ACTA1: variants seen among roughly 807,000 people sequenced by gnomAD.
The protein encoded by ACTA1 is actin, alpha skeletal muscle.
ACTA1 carries 25 observed loss-of-function variants against 35.8 expected under a neutral mutation model. That is an observed-to-expected ratio of 0.70 (90% CI 0.51 to 0.97). ACTA1 has a LOEUF of 0.97. ACTA1 is among the 50% of genes least tolerant of loss of function. The pLI is 0.00. For missense variants in ACTA1, 174 were observed against 533.0 expected (o/e 0.33, Z 6.63); for synonymous variants, 219 against 217.1 (o/e 1.01, Z -0.08).
rs1025502215 is a variant in ACTA1 at position 229,433,080 on chromosome 1, G to T, written c.36C>A (p.Cys12Ter). The change falls in exon 2 of 7, where the codon TGC (cysteine) becomes TGA (stop). Residue 12 changes from cysteine (C) to a stop codon, truncating the protein, a stop_gained. Transcript: ENST00000366684. LOFTEE classifies it high-confidence loss of function. The stretch of plus-strand genomic sequence containing the variant: ...CTTTCACCAGGCCGGAGCCATTGTC[G>T]CACACGAGGGCGGTGGTCTCGTCTT... ...CDEDETTALV[C>*]DNGSGLVKAG... 6.2e-7 allele frequency: 1 copy of T among 1,614,160 alleles called. No individual in the cohort carries two copies. Among genetic ancestry groups the T allele is most frequent in the Non-Finnish European group, 8.5e-7 (1 of 1,179,994 alleles).
At chr1:229,433,745 C>A (rs1288316859) in intron 1 of ACTA1, among the ~76,000 whole-genome samples, 1 of 151,934 alleles carries the variant, frequency 6.6e-6, no homozygotes, top group Non-Finnish European at 1.5e-5. Context: ...AAAGCAAAAC[C>A]GTTTATCTCC....
At chr1:229,432,940 T>A in intron 2 of ACTA1, 47 bp downstream of exon 2, 1 of 1,613,832 alleles carries the variant, frequency 6.2e-7, no homozygotes, top group Non-Finnish European at 8.5e-7. Context: ...CAGGCTGGCT[T>A]ACGCGGGGAC....
rs1349683355 is a variant in ACTA1, at chr1:229,431,604, G to A, written c.1029C>T (p.Ile343=). Residue 343 remains isoleucine (I), a synonymous_variant, in exon 7 of 7, where the codon ATC becomes ATT. Transcript: ENST00000366684. This position sits in a 1 kb window ranked among gnomAD's most constrained non-coding sequence, Gnocchi z 7.1. ...APPERKYSVW[I]GGSILASLST... ...ACAGCGAGGCCAGGATGGAGCCGCC[G>A]ATCCACACCGAGTATTTGCGCTCCG... 6.2e-7 allele frequency: 1 copy of A among 1,613,942 alleles called. No individual in the cohort carries two copies. The highest frequency in any genetic ancestry group is 1.1e-5 in the South Asian group (1 of 91,080).
At chr1:229,433,276 G>A in intron 1 of ACTA1, 149 bp from the exon 2 acceptor site, 4 of 1,170,256 alleles carry the variant, frequency 3.4e-6, no homozygotes, top group East Asian at 2.5e-5. Context: ...TTCTGCCAGG[G>A]CGGCGACCAG....
chr1:229,433,746 G>T (rs1285286770), intron 1 of ACTA1, among the ~76,000 whole-genome samples: 1 of 152,226 alleles, frequency 6.6e-6, no homozygotes, highest in African/African-American at 2.4e-5. Flanking sequence ...AAGCAAAACC[G>T]TTTATCTCCC....
rs964417587 is a variant in ACTA1, at chr1:229,432,977, G to A, written c.129+10C>T. 1.9e-6 allele frequency: 3 copies of A among 1,613,460 alleles called. No homozygotes were observed. Among genetic ancestry groups the A allele is most frequent in the African/African-American group, 1.3e-5 (1 of 74,942 alleles). On this transcript the variant is annotated intron_variant, in intron 2 of 6. Transcript: ENST00000366684. ...CCGAGCCGGCTCCCTCTGCGGAGGG[G>A]CAGCCTGACCTGGTGTCGGGGGCGG...
At chr1:229,433,304 T>G (rs1659994645) in intron 1 of ACTA1, among the ~76,000 whole-genome samples, 177 bp from the exon 2 acceptor site, 1 of 152,300 alleles carries the variant, frequency 6.6e-6, no homozygotes. Context: ...CTTCTCGACC[T>G]TTGCCCCGGC....
intron 4 of ACTA1, 26 bp downstream of exon 4, chr1:229,432,244 G>T (rs1358246922): frequency 1.9e-6 from 3 of 1,612,988 alleles, no homozygotes; most frequent in Admixed American, 1.7e-5. Context: ...CGGCCCTCCC[G>T]CCCGGGGTGC....
Position 229,431,918 on chromosome 1 carries a change from G to GA in ACTA1, c.809-17_809-16insT. 1 of 1,611,004 alleles carries GA rather than the reference G, an allele frequency of 6.2e-7. No individual in the cohort carries two copies. Among genetic ancestry groups the GA allele is most frequent in the Non-Finnish European group, 8.5e-7 (1 of 1,178,714 alleles). On this transcript the variant is annotated splice_polypyrimidine_tract_variant and intron_variant, in intron 5 of 6. Transcript: ENST00000366684. This position sits in a 1 kb window ranked among gnomAD's most constrained non-coding sequence, Gnocchi z 7.1. ...GACTCCATACCTGGGGACCGCGGCGGGGAGCGTGAGCAGAAGCTCGGGGCG... is the reference window on the plus strand; with the variant it reads ...GACTCCATACCTGGGGACCGCGGCGGAGGAGCGTGAGCAGAAGCTCGGGGCG...
At position 229,431,718 on chromosome 1, in the gene ACTA1, C is replaced by A. The variant is rs549197605; in HGVS notation, c.990+3G>T. The A allele has an allele frequency of 8.1e-6, 13 of 1,614,176 alleles. No homozygotes were observed. The East Asian group carries it at 1.8e-4, about 22-fold the overall frequency. On this transcript the variant is annotated splice_donor_region_variant and intron_variant, in intron 6 of 6. Transcript: ENST00000366684. This position sits in a 1 kb window ranked among gnomAD's most constrained non-coding sequence, Gnocchi z 7.1. ...CCGACAGCCCGCGCAGGCCACCACC[C>A]ACCTTGATCTTCATGGTGCTGGGTG... is the stretch of plus-strand genomic sequence containing the variant.
chr1:229,432,431 C>T lies in ACTA1; in HGVS notation c.455G>A (p.Gly152Asp). ...LSLYASGRTT[G>D]IVLDSGDGVT... is the part of the protein sequence containing the mutation. ...GCCGTCGCCGGAGTCCAGCACGATG[C>T]CTGTGCGCGCGCGGGAGAGAGTGAG... The change falls in exon 4 of 7, where the codon GGC becomes GAC. Residue 152 changes from glycine to aspartate, a missense_variant and splice_region_variant. Physicochemically the swap from Gly to Asp is moderately conservative, Grantham distance 94 (BLOSUM62 -1). Coordinates refer to ENST00000366684, the MANE Select transcript of ACTA1 (RefSeq NM_001100.4). 6.2e-7 allele frequency: 1 copy of T among 1,604,682 alleles called. No homozygotes were observed. Among genetic ancestry groups the T allele is most frequent in the Non-Finnish European group, 8.5e-7 (1 of 1,176,170 alleles).
chr1:229,433,684 C>T (rs565064041), intron 1 of ACTA1, among the ~76,000 whole-genome samples: 53 of 152,352 alleles, frequency 3.5e-4, no homozygotes, highest in Non-Finnish European at 7.1e-4. Context: ...CCTGGCTGCT[C>T]GCTCATTCGC....
intron 3 of ACTA1, 60 bp downstream of exon 3, chr1:229,432,496 C>G (rs1659968644): frequency 9.7e-7 from 1 of 1,026,710 alleles, no homozygotes; most frequent in Non-Finnish European, 1.3e-6. Flanking sequence ...TCAGCGCTAG[C>G]GGCGGGGGCG....
Position 229,432,344 on chromosome 1 carries a change from TC to T in ACTA1, c.541del (p.Asp181ThrfsTer11), listed in dbSNP as rs759242559. The T allele has an allele frequency of 1.9e-5, 30 of 1,613,614 alleles. No individual in the cohort carries two copies. The South Asian group carries it at 3.2e-4, about 17-fold the overall frequency. Reference sequence around the variant, plus strand: ...GTCGGTGAGATCGCGGCCCGCCAGGTCCAGGCGCATGATGGCGTGCGGCAGC... The same window carrying T: ...GTCGGTGAGATCGCGGCCCGCCAGGTCAGGCGCATGATGGCGTGCGGCAGC... Reference protein sequence around the residue: ...YALPHAIMRLDLAGRDLTDYL... With the variant: ...YALPHAIMRLXLAGRDLTDYL... On this transcript the variant is annotated frameshift_variant, in exon 4 of 7. Coordinates refer to ENST00000366684, the MANE Select transcript of ACTA1 (RefSeq NM_001100.4). LOFTEE classifies it high-confidence loss of function.
rs1395648272 is a variant in ACTA1 at position 229,432,573 on chromosome 1, GC to G, written c.436del (p.Ala146ProfsTer46). The G allele has an allele frequency of 2.2e-5, 35 of 1,612,404 alleles. No homozygotes were observed. The highest frequency in any genetic ancestry group is 2.9e-5 in the Non-Finnish European group (34 of 1,179,720). The stretch of plus-strand genomic sequence containing the variant: ...GCACTCACCGGTGGTCCTGCCGGAG[GC>G]GTAGAGGGACAGCACGGCCTGGATG... ...VAIQAVLSLY[A>X]SGRTTGIVLD... is the part of the protein sequence containing the mutation. On this transcript the variant is annotated frameshift_variant, in exon 3 of 7. Coordinates refer to ENST00000366684, the MANE Select transcript of ACTA1 (RefSeq NM_001100.4). LOFTEE classifies it high-confidence loss of function.
intron 1 of ACTA1, among the ~76,000 whole-genome samples, chr1:229,433,512 C>CCT (rs1375204098): frequency 1.3e-5 from 2 of 152,212 alleles, no homozygotes; most frequent in Admixed American, 6.5e-5. Context: ...GGAGATAAGG[C>CCT]CTCAGCACTG....
Position 229,431,489 on chromosome 1 carries a change from T to C in ACTA1, c.*10A>G, listed in dbSNP as rs1571892185. ...GTCCTGAGAAGTCGCGTGCTGGAGG[T>C]GGAGTGTGTCTAGAAGCATTTGCGG... On this transcript the variant is annotated 3_prime_UTR_variant, in exon 7 of 7. Transcript: ENST00000366684. This position sits in a 1 kb window ranked among gnomAD's most constrained non-coding sequence, Gnocchi z 7.1. 6.8e-6 allele frequency: 11 copies of C among 1,612,246 alleles called. No homozygotes were observed. Among genetic ancestry groups the C allele is most frequent in the African/African-American group, 1.3e-5 (1 of 74,792 alleles).
Position 229,433,200 on chromosome 1 carries a change from C to T in ACTA1, c.-12-73G>A, listed in dbSNP as rs1160670017. 5 of 1,600,526 alleles carry T rather than the reference C, an allele frequency of 3.1e-6. No individual in the cohort carries two copies. In the African/African-American group the frequency reaches 6.7e-5, roughly 21 times the overall value. On this transcript the variant is annotated intron_variant, in intron 1 of 6. Transcript: ENST00000366684. ...AGTCTCAGCGGCAGGGGGGGGTAAGCCTGGCTGGCCCCGACGTCCTCCCTC... is the reference window on the plus strand; with the variant it reads ...AGTCTCAGCGGCAGGGGGGGGTAAGTCTGGCTGGCCCCGACGTCCTCCCTC...
At position 229,431,381 on chromosome 1, in the gene ACTA1, G is replaced by A. The variant is rs561849701; in HGVS notation, c.*118C>T. Reference sequence around the variant, plus strand: ...CGTTATAAACACTGTGTCAGTTTACGATGGCAGCAACGGAAGTTGTTACAA... The same window carrying A: ...CGTTATAAACACTGTGTCAGTTTACAATGGCAGCAACGGAAGTTGTTACAA... On this transcript the variant is annotated 3_prime_UTR_variant, in exon 7 of 7. Coordinates refer to ENST00000366684, the MANE Select transcript of ACTA1 (RefSeq NM_001100.4). This position sits in a 1 kb window ranked among gnomAD's most constrained non-coding sequence, Gnocchi z 7.1. 25 of 1,356,422 alleles carry A rather than the reference G, an allele frequency of 1.8e-5. No individual in the cohort carries two copies. The East Asian group carries it at 5.7e-4, about 31-fold the overall frequency. The allele number at this position is 1,356,422 out of a possible 1,614,324, so 84.0% of individuals were successfully genotyped here.
Sources: gnomAD v4.1 joint callset for allele counts (sites outside exome capture counted in the v4.1 genomes callset) on GRCh38, gnomAD v4.1.1 for gene constraint, Gnocchi (gnomAD v3.1) non-coding constraint, MANE v1.5 for transcripts, NCBI Gene and HGNC (gene_info 2026-07-23, HGNC 2026-07-21) for gene names.